SCRG1: variants seen among roughly 807,000 people sequenced by gnomAD.
The protein encoded by SCRG1 is scrapie-responsive protein 1.
Under a neutral mutation model 7.7 loss-of-function variants are expected in SCRG1, and 3 were observed. The ratio of observed to expected loss-of-function variants is 0.39; its 90% CI spans 0.18 to 1.01. The LOEUF (loss-of-function observed/expected upper bound fraction) is 1.01, where lower values mean the gene tolerates loss of function less well. Ranked by LOEUF, SCRG1 falls within the 50% of genes least tolerant of loss-of-function variation. The pLI is 0.36. For synonymous variants in SCRG1, 46 were observed against 41.2 expected (o/e 1.12, Z -0.44); for missense variants, 110 against 117.2 (o/e 0.94, Z 0.28).
the SCRG1 span, among the ~76,000 whole-genome samples, chr4:173,417,970 AAT>A: frequency 6.6e-6 from 1 of 152,022 alleles, no homozygotes; most frequent in African/African-American, 2.4e-5. Context: ...TTAAAAAACA[AAT>A]ATTTACTTCT....
chr4:173,497,238 C>T, the SCRG1 span, among the ~76,000 whole-genome samples: 1 of 152,208 alleles, frequency 6.6e-6, no homozygotes, highest in Non-Finnish European at 1.5e-5. Flanking sequence ...GGCTGAATGT[C>T]AGCTCCATCC....
At chr4:173,424,679 T>C in the SCRG1 span, among the ~76,000 whole-genome samples, 1 of 152,074 alleles carries the variant, frequency 6.6e-6, no homozygotes, top group Non-Finnish European at 1.5e-5. Context: ...GAGGCCAAGG[T>C]TGGTGGATCT....
At chr4:173,478,941 A>T in the SCRG1 span, among the ~76,000 whole-genome samples, 1 of 152,222 alleles carries the variant, frequency 6.6e-6, no homozygotes, top group South Asian at 2.1e-4. Flanking sequence ...CTGCTTAAAA[A>T]AGGAAAGAGG....
chr4:173,385,505 A>G lies in SCRG1; in HGVS notation c.*2836T>C, dbSNP rs1377474653. On this transcript the variant is annotated 3_prime_UTR_variant, in exon 3 of 3. Transcript: ENST00000296506. ...AAAAATCTATTGTTTTTAAAAATGCATTGACCAAGTTAGAGAAATAGTTAT... is the reference window on the plus strand; with the variant it reads ...AAAAATCTATTGTTTTTAAAAATGCGTTGACCAAGTTAGAGAAATAGTTAT... 1 of 151,942 alleles carries G rather than the reference A, an allele frequency of 6.6e-6. No individual in the cohort carries two copies. The highest frequency in any genetic ancestry group is 2.4e-5 in the African/African-American group (1 of 41,380). The allele number at this position is 151,942 out of a possible 1,614,324, so 9.4% of individuals were successfully genotyped here.
At chr4:173,405,656 A>G (rs1478730855) in intron 1 of SCRG1, among the ~76,000 whole-genome samples, 1 of 152,214 alleles carries the variant, frequency 6.6e-6, no homozygotes, top group Non-Finnish European at 1.5e-5. Flanking sequence ...ATTATTTTAT[A>G]CTTTGGATTA....
At chr4:173,486,512 T>A in the SCRG1 span, among the ~76,000 whole-genome samples, 2 of 151,996 alleles carry the variant, frequency 1.3e-5, no homozygotes, top group African/African-American at 4.8e-5. Context: ...CTTGACAGAT[T>A]TTTTTTTCCA....
intron 1 of SCRG1, among the ~76,000 whole-genome samples, chr4:173,398,002 G>A (rs750256971): frequency 6.6e-6 from 1 of 152,218 alleles, no homozygotes; most frequent in African/African-American, 2.4e-5. Context: ...TTGCTGCCCA[G>A]TCTGTGATGT....
At chr4:173,417,194 A>G in the SCRG1 span, among the ~76,000 whole-genome samples, 1 of 152,120 alleles carries the variant, frequency 6.6e-6, no homozygotes, top group East Asian at 1.9e-4. Flanking sequence ...TTTAGTTGTT[A>G]TTTAGCGCCA....
the SCRG1 span, among the ~76,000 whole-genome samples, chr4:173,494,200 C>T: frequency 6.6e-6 from 1 of 152,156 alleles, no homozygotes; most frequent in Non-Finnish European, 1.5e-5. Context: ...GAGTGCCCAC[C>T]GGCCCCACAG....
the SCRG1 span, among the ~76,000 whole-genome samples, chr4:173,501,651 G>C: frequency 1.3e-5 from 2 of 152,150 alleles, no homozygotes; most frequent in African/African-American, 4.8e-5. The surrounding 1 kb of genome is among the most constrained non-coding windows in gnomAD (Gnocchi z 5.1). Flanking sequence ...ATTACTGTCG[G>C]GCGGAGGTCA....
chr4:173,463,636 T>A, the SCRG1 span, among the ~76,000 whole-genome samples: 1 of 152,218 alleles, frequency 6.6e-6, no homozygotes, highest in Non-Finnish European at 1.5e-5. Flanking sequence ...CAGGAATTCT[T>A]ATTCTTTATC....
chr4:173,486,058 G>A, the SCRG1 span, among the ~76,000 whole-genome samples: 9 of 152,096 alleles, frequency 5.9e-5, no homozygotes, highest in African/African-American at 2.2e-4. Context: ...AGCAAATCTT[G>A]CATTCAAACT....
the SCRG1 span, among the ~76,000 whole-genome samples, chr4:173,493,028 A>C: frequency 6.6e-6 from 1 of 152,172 alleles, no homozygotes; most frequent in Non-Finnish European, 1.5e-5. Context: ...TGCTCTCCCC[A>C]GTGCCTCTCC....
chr4:173,397,018 A>G (rs897434603), intron 1 of SCRG1, among the ~76,000 whole-genome samples: 1 of 152,136 alleles, frequency 6.6e-6, no homozygotes, highest in Non-Finnish European at 1.5e-5. Flanking sequence ...GCACCACTGC[A>G]CTCCAGCCTG....
chr4:173,491,643 G>A, the SCRG1 span, among the ~76,000 whole-genome samples: 1 of 152,328 alleles, frequency 6.6e-6, no homozygotes, highest in East Asian at 1.9e-4. Context: ...AGACAGCAAG[G>A]TGGGCAGAGG....
At chr4:173,497,670 A>C in the SCRG1 span, among the ~76,000 whole-genome samples, 5 of 89,876 alleles carry the variant, frequency 5.6e-5, no homozygotes, top group African/African-American at 6.8e-5. Flanking sequence ...AAAAAAACTT[A>C]CTCTTTTTTT....
chr4:173,476,363 A>AATATAT, the SCRG1 span, among the ~76,000 whole-genome samples: 21 of 98,508 alleles, frequency 2.1e-4, no homozygotes, highest in African/African-American at 6.5e-4. Flanking sequence ...GGAAAAAAAA[A>AATATAT]ATATATATAT....
the SCRG1 span, among the ~76,000 whole-genome samples, chr4:173,479,435 G>GTTTTT: frequency 2.3e-3 from 289 of 125,890 alleles, 6 homozygotes; most frequent in South Asian, 8.6e-3. Context: ...TTGTTTGTTT[G>GTTTTT]TTTTTTTGTT....
At chr4:173,516,221 C>T in the SCRG1 span, among the ~76,000 whole-genome samples, 3 of 152,248 alleles carry the variant, frequency 2.0e-5, no homozygotes, top group Non-Finnish European at 4.4e-5. Context: ...ATTAACTCCA[C>T]AGCTCTGATT....
Sources: allele counts gnomAD v4.1 joint callset (sites outside exome capture counted in the v4.1 genomes callset), GRCh38; gene constraint gnomAD v4.1.1; non-coding constraint Gnocchi (gnomAD v3.1); transcripts MANE v1.5; gene names NCBI Gene and HGNC (gene_info 2026-07-23, HGNC 2026-07-21).